Variants in CRADD observed in about 807,000 individuals in gnomAD.
CRADD encodes the protein death domain-containing protein CRADD.
A neutral mutation model predicts 15.5 loss-of-function variants in CRADD; 9 were observed. The ratio of observed to expected loss-of-function variants is 0.58; its 90% CI spans 0.35 to 1.01. The LOEUF (loss-of-function observed/expected upper bound fraction) is 1.01. Among genes scored for constraint, CRADD ranks in the 50% least tolerant of loss-of-function variants. The pLI, the probability that CRADD is intolerant of heterozygous loss-of-function variation, is 0.02. For missense variants in CRADD, 227 were observed against 250.3 expected (o/e 0.91, Z 0.63); for synonymous variants, 118 against 107.6 (o/e 1.10, Z -0.60).
chr12:93,768,346 A>T (rs1393841522), intron 2 of CRADD, among the ~76,000 whole-genome samples: 1 of 152,238 alleles, frequency 6.6e-6, no homozygotes, highest in Non-Finnish European at 1.5e-5. Context: ...TTTTTGTTTC[A>T]TGTTAAAGAA....
At position 93,743,082 on chromosome 12, in the gene CRADD, G is replaced by T. The variant is rs568551117; in HGVS notation, c.298+64010G>T. Among the ~76,000 whole-genome samples the T allele has an allele frequency of 5.3e-5, 8 of 152,262 alleles. No homozygotes were observed. In the East Asian group the frequency reaches 1.5e-3, roughly 29 times the overall value. On this transcript the variant is annotated intron_variant, in intron 2 of 2. Coordinates refer to ENST00000332896, the MANE Select transcript of CRADD (RefSeq NM_003805.5). ...AATAATTTATGTTGCTATGACAATTGTCCTGCATACCTAATATTAAATTTA... is the reference window on the plus strand; with the variant it reads ...AATAATTTATGTTGCTATGACAATTTTCCTGCATACCTAATATTAAATTTA...
At chr12:93,697,722 T>G (rs1408705276) in intron 2 of CRADD, among the ~76,000 whole-genome samples, 1 of 152,190 alleles carries the variant, frequency 6.6e-6, no homozygotes, top group African/African-American at 2.4e-5. Context: ...GGTTCATGAC[T>G]GAGGCCCTTA....
At chr12:93,868,686 GCACACACACACA>G (rs570970896) in intron 2 of CRADD, among the ~76,000 whole-genome samples, 2 of 142,828 alleles carry the variant, frequency 1.4e-5, no homozygotes, top group African/African-American at 2.6e-5. Flanking sequence ...TCTCTCTCTT[GCACACACACACA>G]CACACACACA....
intron 2 of CRADD, among the ~76,000 whole-genome samples, chr12:93,833,469 G>T (rs1330201779): frequency 1.3e-5 from 2 of 152,082 alleles, no homozygotes; most frequent in Non-Finnish European, 2.9e-5. Context: ...CTCCCAAGTA[G>T]CTGAGACCAC....
chr12:93,890,338 T>C (rs997502746), intron 2 of CRADD, among the ~76,000 whole-genome samples: 4 of 152,254 alleles, frequency 2.6e-5, no homozygotes, highest in African/African-American at 9.6e-5. Context: ...GAATTATTGT[T>C]ATCAATTGCT....
chr12:93,754,385 A>T (rs1956864881), intron 2 of CRADD, among the ~76,000 whole-genome samples: 1 of 152,228 alleles, frequency 6.6e-6, no homozygotes, highest in Non-Finnish European at 1.5e-5. Context: ...GCTCCTTGTT[A>T]CTTATGCAAG....
chr12:93,843,599 C>T (rs1265760787), intron 2 of CRADD, among the ~76,000 whole-genome samples: 3 of 150,984 alleles, frequency 2.0e-5, no homozygotes, highest in East Asian at 2.0e-4. Flanking sequence ...AGGCTGGTCT[C>T]GAACTCCTGA....
intron 2 of CRADD, among the ~76,000 whole-genome samples, chr12:93,741,534 G>C (rs1203269791): frequency 6.6e-6 from 1 of 152,200 alleles, no homozygotes; most frequent in African/African-American, 2.4e-5. Flanking sequence ...TTTGGATCTT[G>C]TTCTCAGCTA....
rs148452879 is a variant in CRADD, at chr12:93,836,600, C to T, written c.299-13370C>T. On this transcript the variant is annotated intron_variant, in intron 2 of 2. Transcript: ENST00000332896. Reference sequence around the variant, plus strand: ...CTCTCTTTTTAATTTTCTGTTCACCCTCAGATTATGCAATGTAATTTCTCT... The same window carrying T: ...CTCTCTTTTTAATTTTCTGTTCACCTTCAGATTATGCAATGTAATTTCTCT... 4.3e-4 allele frequency among the ~76,000 whole-genome samples: 66 copies of T among 152,284 alleles called. No individual in the cohort carries two copies. In the East Asian group the frequency reaches 0.013, roughly 29 times the overall value.
rs1958597894 is a variant in CRADD, at chr12:93,894,366, A to G, written c.*249A>G. On this transcript the variant is annotated 3_prime_UTR_variant, in exon 3 of 3. Transcript: ENST00000548483. ...CTCAGATGGCCCCTAACAAAGAAGT[A>G]TGTTGTCCAAAATGTCAATGGTGCA... The G allele has an allele frequency of 1.5e-5, 8 of 523,804 alleles. No individual in the cohort carries two copies. The South Asian group carries it at 1.7e-4, about 11-fold the overall frequency. 32.4% of individuals were successfully genotyped at this position (523,804 alleles called of 1,614,324 possible). A position where few individuals can be genotyped will look rare whatever the true frequency, so the allele number is the denominator to read the frequency against.
intron 2 of CRADD, among the ~76,000 whole-genome samples, chr12:93,845,631 A>T (rs1481816479): frequency 6.6e-6 from 1 of 151,892 alleles, no homozygotes; most frequent in Admixed American, 6.6e-5. Flanking sequence ...ACATACAACC[A>T]ATCTGGTCTA....
chr12:93,872,819 A>G (rs1958432542), intron 2 of CRADD, among the ~76,000 whole-genome samples: 1 of 152,112 alleles, frequency 6.6e-6, no homozygotes, highest in Non-Finnish European at 1.5e-5. Context: ...GCTTTATAGT[A>G]TAATTTGAAG....
chr12:93,764,474 G>A (rs1391363086), intron 2 of CRADD, among the ~76,000 whole-genome samples: 2 of 152,116 alleles, frequency 1.3e-5, no homozygotes, highest in Non-Finnish European at 1.5e-5. Flanking sequence ...GGTTGACAAA[G>A]GGTATACAGA....
At chr12:93,688,270 A>G (rs917825054) in intron 2 of CRADD, among the ~76,000 whole-genome samples, 2 of 152,214 alleles carry the variant, frequency 1.3e-5, no homozygotes, top group African/African-American at 2.4e-5. Context: ...TGGGAGACCA[A>G]GGTGGGAGGA....
chr12:93,867,296 G>A (rs1010590785), intron 2 of CRADD, among the ~76,000 whole-genome samples: 3 of 149,926 alleles, frequency 2.0e-5, no homozygotes, highest in East Asian at 2.0e-4. Context: ...TTCCTCCTTC[G>A]GTTTCCTTCC....
At chr12:93,709,436 G>A (rs918204585) in intron 2 of CRADD, among the ~76,000 whole-genome samples, 3 of 152,016 alleles carry the variant, frequency 2.0e-5, no homozygotes, top group African/African-American at 7.2e-5. Context: ...AAGTAGACCC[G>A]AGTATCTATT....
intron 2 of CRADD, among the ~76,000 whole-genome samples, chr12:93,751,906 C>G (rs1314512470): frequency 2.0e-5 from 3 of 152,194 alleles, no homozygotes; most frequent in Non-Finnish European, 4.4e-5. Flanking sequence ...TTGCTCCTTT[C>G]AGGATAGCTC....
intron 2 of CRADD, among the ~76,000 whole-genome samples, chr12:93,756,507 A>T (rs550245642): frequency 7.2e-5 from 11 of 152,368 alleles, no homozygotes; most frequent in African/African-American, 2.4e-4. Context: ...AGGAGATAAG[A>T]CAGAGCCTGG....
intron 2 of CRADD, among the ~76,000 whole-genome samples, chr12:93,707,550 G>A (rs548496941): frequency 6.6e-6 from 1 of 152,268 alleles, no homozygotes; most frequent in African/African-American, 2.4e-5. Flanking sequence ...CATGGGAGCT[G>A]GGTTTCCCAA....
Sources: allele counts gnomAD v4.1 joint callset (sites outside exome capture counted in the v4.1 genomes callset), GRCh38; gene constraint gnomAD v4.1.1; transcripts MANE v1.5; gene names NCBI Gene and HGNC (gene_info 2026-07-23, HGNC 2026-07-21).